KAZN: variants seen among roughly 807,000 people sequenced by gnomAD.
The protein encoded by KAZN is kazrin, periplakin interacting protein, also known as kazrin.
Under a neutral mutation model 87.4 loss-of-function variants are expected in KAZN, and 40 were observed. That is an observed-to-expected ratio of 0.46 (90% CI 0.36 to 0.60). The LOEUF (loss-of-function observed/expected upper bound fraction) is 0.60, where lower values mean the gene tolerates loss of function less well. KAZN is among the 20% of genes least tolerant of loss of function. KAZN has a pLI of 0.00. For synonymous variants in KAZN, 466 were observed against 458.3 expected (o/e 1.02, Z -0.22); for missense variants, 898 against 1,073.9 (o/e 0.84, Z 2.29).
At chr1:14,469,950 A>T (rs1307936971) in intron 2 of KAZN, among the ~76,000 whole-genome samples, 1 of 152,166 alleles carries the variant, frequency 6.6e-6, no homozygotes, top group East Asian at 1.9e-4. Flanking sequence ...AAATAGTGTC[A>T]TGGTTGGGAG....
intron 2 of KAZN, among the ~76,000 whole-genome samples, chr1:15,018,785 C>T (rs551624480): frequency 6.6e-6 from 1 of 152,220 alleles, no homozygotes; most frequent in Non-Finnish European, 1.5e-5. Flanking sequence ...GACTTACCCA[C>T]CTGGACTGGC....
intron 2 of KAZN, among the ~76,000 whole-genome samples, chr1:14,186,531 C>T (rs1381906226): frequency 6.6e-6 from 1 of 152,162 alleles, no homozygotes; most frequent in Non-Finnish European, 1.5e-5. Flanking sequence ...GTTAGGACAA[C>T]TTGGCTCCAA....
At chr1:14,389,113 T>C (rs905919193) in intron 2 of KAZN, among the ~76,000 whole-genome samples, 1 of 152,142 alleles carries the variant, frequency 6.6e-6, no homozygotes, top group Non-Finnish European at 1.5e-5. Context: ...CTCAACATTA[T>C]TGATCATCAG....
At chr1:15,054,738 A>C (rs937045386) in intron 4 of KAZN, among the ~76,000 whole-genome samples, 7 of 152,242 alleles carry the variant, frequency 4.6e-5, no homozygotes, top group African/African-American at 1.7e-4. Flanking sequence ...AAAGAATTTG[A>C]GATCACTTCT....
intron 2 of KAZN, among the ~76,000 whole-genome samples, chr1:14,418,376 T>C (rs1665012713): frequency 6.6e-6 from 1 of 152,138 alleles, no homozygotes; most frequent in African/African-American, 2.4e-5. Flanking sequence ...ATGCATAAAG[T>C]AGTTTGCACT....
chr1:15,094,956 CG>C lies in KAZN; in HGVS notation c.1547+28del. ...CAGGTGAGCCCACCACGAGGGGCCC[CG>C]GGGGAGGAGAGAAAAAGTCATCCTG... On this transcript the variant is annotated intron_variant, in intron 10 of 14. Coordinates refer to ENST00000376030, the MANE Select transcript of KAZN (RefSeq NM_201628.3). This position sits in a 1 kb window ranked among gnomAD's most constrained non-coding sequence, Gnocchi z 4.5. 1 of 1,511,508 alleles carries C rather than the reference CG, an allele frequency of 6.6e-7. No homozygotes were observed. The allele number at this position is 1,511,508 out of a possible 1,614,324, so 93.6% of individuals were successfully genotyped here. A position where few individuals can be genotyped will look rare whatever the true frequency, so the allele number is the denominator to read the frequency against.
At chr1:14,684,149 A>G (rs1261493113) in intron 1 of KAZN, among the ~76,000 whole-genome samples, 1 of 152,106 alleles carries the variant, frequency 6.6e-6, no homozygotes, top group Non-Finnish European at 1.5e-5. Flanking sequence ...TCATCTTCAC[A>G]AGGCTTGATG....
chr1:14,055,895 T>C (rs1642532389), intron 1 of KAZN, among the ~76,000 whole-genome samples: 1 of 152,180 alleles, frequency 6.6e-6, no homozygotes, highest in South Asian at 2.1e-4. Flanking sequence ...GGGGGAAAAA[T>C]GCTACCGAGC....
At chr1:13,942,184 C>T (rs76432207) in intron 1 of KAZN, among the ~76,000 whole-genome samples, 14,273 of 152,026 alleles carry the variant, frequency 0.094, 749 homozygotes, top group Middle Eastern at 0.14. Flanking sequence ...AATTCTCAAC[C>T]GGATTGAGGT....
intron 1 of KAZN, among the ~76,000 whole-genome samples, chr1:14,062,185 T>C (rs1389945496): frequency 6.6e-6 from 1 of 152,184 alleles, no homozygotes; most frequent in Non-Finnish European, 1.5e-5. Context: ...GAATCATTCC[T>C]GAAGCATGAA....
intron 1 of KAZN, among the ~76,000 whole-genome samples, chr1:14,905,728 C>T (rs1473061683): frequency 2.0e-5 from 3 of 151,084 alleles, no homozygotes; most frequent in South Asian, 2.1e-4. Context: ...CCTGTAATCC[C>T]GGCTACTCGG....
intron 1 of KAZN, among the ~76,000 whole-genome samples, chr1:14,800,554 A>G (rs565901281): frequency 2.6e-5 from 4 of 152,288 alleles, no homozygotes; most frequent in East Asian, 3.9e-4. Flanking sequence ...ACATTAAAAA[A>G]TTAGCTTGGT....
At chr1:14,425,037 C>A (rs1327122778) in intron 2 of KAZN, among the ~76,000 whole-genome samples, 1 of 152,194 alleles carries the variant, frequency 6.6e-6, no homozygotes, top group Non-Finnish European at 1.5e-5. Context: ...CTTGAAGATA[C>A]CTGGCCCAAT....
At chr1:14,446,967 G>A (rs2148324068) in intron 2 of KAZN, among the ~76,000 whole-genome samples, 2 of 152,252 alleles carry the variant, frequency 1.3e-5, no homozygotes, top group South Asian at 4.2e-4. Flanking sequence ...ATATAGGGAT[G>A]TTACATGATG....
intron 1 of KAZN, among the ~76,000 whole-genome samples, chr1:14,922,817 C>T (rs1185228770): frequency 1.4e-5 from 2 of 142,344 alleles, no homozygotes; most frequent in Non-Finnish European, 3.0e-5. Context: ...AAAAAAAGTG[C>T]CAGCTAGACA....
At chr1:14,321,027 T>G (rs1028278685) in intron 2 of KAZN, among the ~76,000 whole-genome samples, 3 of 152,198 alleles carry the variant, frequency 2.0e-5, no homozygotes, top group Non-Finnish European at 4.4e-5. Context: ...GAGTTCATTT[T>G]AAAAATCATA....
chr1:14,696,272 CAG>C (rs1247257255), intron 1 of KAZN, among the ~76,000 whole-genome samples: 2 of 152,160 alleles, frequency 1.3e-5, no homozygotes, highest in Non-Finnish European at 2.9e-5. Flanking sequence ...TAGTCACAAA[CAG>C]GGAATTATTA....
chr1:14,753,052 T>G (rs1382397621), intron 1 of KAZN, among the ~76,000 whole-genome samples: 1 of 152,114 alleles, frequency 6.6e-6, no homozygotes, highest in African/African-American at 2.4e-5. Context: ...TGCTTTTAAT[T>G]TATACAGTGG....
At chr1:14,417,896 C>T (rs10803277) in intron 2 of KAZN, among the ~76,000 whole-genome samples, 86,743 of 149,504 alleles carry the variant, frequency 0.58, 25,586 homozygotes, top group African/African-American at 0.67. Flanking sequence ...CTCGGTAGGC[C>T]GAGGCAGGAG....
Sources: allele counts gnomAD v4.1 joint callset (sites outside exome capture counted in the v4.1 genomes callset), GRCh38; gene constraint gnomAD v4.1.1; non-coding constraint Gnocchi (gnomAD v3.1); transcripts MANE v1.5; gene names NCBI Gene and HGNC (gene_info 2026-07-23, HGNC 2026-07-21).